Variants in HTT observed in about 807,000 individuals in gnomAD.
HTT encodes the protein huntington disease protein.
HTT carries 104 observed loss-of-function variants against 362.3 expected under a neutral mutation model. That is an observed-to-expected ratio of 0.29 (90% CI 0.24 to 0.34). The LOEUF is 0.34. HTT is among the 10% of genes least tolerant of loss of function. The probability of loss-of-function intolerance (pLI) is 1.00; values close to 1 mark genes in which losing one functional copy is unlikely to be tolerated. For synonymous variants in HTT, 1,577 were observed against 1,548.7 expected (o/e 1.02, Z -0.43); for missense variants, 3,301 against 3,928.6 (o/e 0.84, Z 4.27).
In HTT at chr4:3,235,665, T is replaced by A. The variant is rs754920090; in HGVS notation, c.8672T>A (p.Leu2891His). 1.2e-6 allele frequency: 2 copies of A among 1,613,618 alleles called. No homozygotes were observed. The highest frequency in any genetic ancestry group is 3.3e-5 in the Admixed American group (2 of 60,006). ...GAGCGCCTCCTGCTCTCTGAGCAGC[T>A]CTCCCGCCTGGATGCAGAATCGCTG... ...GLERLLLSEQ[L>H]SRLDAESLVK... is the part of the protein sequence containing the mutation. Residue 2891 changes from leucine to histidine, a missense_variant, in exon 63 of 67, where the codon CTC becomes CAC. Coordinates refer to ENST00000355072, the MANE Select transcript of HTT (RefSeq NM_001388492.1).
intron 23 of HTT, among the ~76,000 whole-genome samples, chr4:3,143,837 A>G (rs976681093): frequency 1.3e-5 from 2 of 152,094 alleles, no homozygotes; most frequent in East Asian, 3.9e-4. Flanking sequence ...TCCCAACCTC[A>G]GGTGATCCGC....
At chr4:3,236,858 G>A (rs1042347729) in intron 64 of HTT, among the ~76,000 whole-genome samples, 23 of 151,924 alleles carry the variant, frequency 1.5e-4, no homozygotes, top group African/African-American at 5.1e-4. Context: ...TCAAGGACAA[G>A]GGCCCCTGAT....
chr4:3,137,170 T>C (rs931339063), intron 21 of HTT, among the ~76,000 whole-genome samples: 3 of 152,014 alleles, frequency 2.0e-5, no homozygotes, highest in Non-Finnish European at 2.9e-5. Flanking sequence ...CCTCCCAAAG[T>C]GCTGGGATTA....
intron 8 of HTT, among the ~76,000 whole-genome samples, chr4:3,120,478 T>C (rs924400607): frequency 3.3e-5 from 5 of 152,222 alleles, no homozygotes; most frequent in Non-Finnish European, 2.9e-5. Context: ...ACCCCCAGGC[T>C]GCAGAGCGGT....
At chr4:3,144,363 G>T (rs775689608) in intron 23 of HTT, among the ~76,000 whole-genome samples, 2 of 152,230 alleles carry the variant, frequency 1.3e-5, no homozygotes, top group Non-Finnish European at 2.9e-5. Context: ...TGTTGCCCAG[G>T]CTAGAGCACA....
At chr4:3,151,953 G>A (rs765503052) in intron 26 of HTT, among the ~76,000 whole-genome samples, 3 of 151,784 alleles carry the variant, frequency 2.0e-5, no homozygotes, top group African/African-American at 7.3e-5. Context: ...TTTGAGATAG[G>A]GTGTCATTCT....
At chr4:3,127,700 A>G in intron 12 of HTT, 96 bp downstream of exon 12, 1 of 874,568 alleles carries the variant, frequency 1.1e-6, no homozygotes, top group Non-Finnish European at 1.8e-6. Context: ...ACAGGGGCTC[A>G]TGCCTGTAAT....
In HTT at chr4:3,241,020, C is replaced by T. The variant is rs1030248514; in HGVS notation, c.*961C>T. The T allele has an allele frequency of 6.6e-6, 1 of 152,390 alleles. No homozygotes were observed. Among genetic ancestry groups the T allele is most frequent in the Non-Finnish European group, 1.5e-5 (1 of 68,162 alleles). 9.4% of individuals were successfully genotyped at this position (152,390 alleles called of 1,614,324 possible). A position where few individuals can be genotyped will look rare whatever the true frequency, so the allele number is the denominator to read the frequency against. On this transcript the variant is annotated 3_prime_UTR_variant, in exon 67 of 67. Coordinates refer to ENST00000355072, the MANE Select transcript of HTT (RefSeq NM_001388492.1). ...CACTCAGCTGAGAAGGCCAGCCCTC[C>T]CTGGCTGTGAGCAGCCTCCACTGTG...
Position 3,084,913 on chromosome 4 carries a change from C to A in HTT, c.264-2026C>A, listed in dbSNP as rs190265604. Among the ~76,000 whole-genome samples the A allele has an allele frequency of 4.4e-3, 672 of 151,240 alleles. 1 individual carries two copies. Among genetic ancestry groups the A allele is most frequent in the African/African-American group, 0.016 (644 of 41,208 alleles). ...CCTGTAGTCCCAGCTACTTGGGAGG[C>A]TGAAGCAGGAGAATGGTGTGAACCC... On this transcript the variant is annotated intron_variant, in intron 1 of 66. Transcript: ENST00000355072.
At chr4:3,193,594 T>C (rs1000020655) in intron 40 of HTT, among the ~76,000 whole-genome samples, 4 of 152,202 alleles carry the variant, frequency 2.6e-5, no homozygotes, top group Admixed American at 6.5e-5. Context: ...CATCTCACAA[T>C]TGAGGCAAAA....
At position 3,209,964 on chromosome 4, in the gene HTT, G is replaced by A; in HGVS notation, c.6414+15G>A. The A allele has an allele frequency of 6.2e-7, 1 of 1,612,510 alleles. No individual in the cohort carries two copies. Among genetic ancestry groups the A allele is most frequent in the Non-Finnish European group, 8.5e-7 (1 of 1,179,056 alleles). On this transcript the variant is annotated intron_variant, in intron 47 of 66. Transcript: ENST00000355072. ...TGATGAACTCGGTACGGGGGGAGCA[G>A]TGGAGGCAAGGAATCCTCAGCTTTT... is the stretch of plus-strand genomic sequence containing the variant.
intron 6 of HTT, among the ~76,000 whole-genome samples, chr4:3,110,291 A>G (rs1272184903): frequency 6.6e-6 from 1 of 151,964 alleles, no homozygotes; most frequent in Non-Finnish European, 1.5e-5. Flanking sequence ...TTGTCTTCTC[A>G]CACCTTCCAA....
At chr4:3,213,889 G>T in intron 49 of HTT, 69 bp from the exon 50 acceptor site, 1 of 1,395,078 alleles carries the variant, frequency 7.2e-7, no homozygotes, top group East Asian at 2.6e-5. Context: ...TTCCACAACT[G>T]TGATTCACAC....
At chr4:3,201,823 G>GA (rs1184021024) in intron 41 of HTT, among the ~76,000 whole-genome samples, 12 of 152,244 alleles carry the variant, frequency 7.9e-5, no homozygotes, top group African/African-American at 2.4e-4. Context: ...CATGAGATGA[G>GA]AAAAATGAAT....
chr4:3,089,132 T>C (rs1713367305), intron 2 of HTT, among the ~76,000 whole-genome samples: 1 of 152,272 alleles, frequency 6.6e-6, no homozygotes. Context: ...TACACAGTTC[T>C]TGTGGGATCA....
chr4:3,126,152 C>T (rs2110182782), intron 11 of HTT, among the ~76,000 whole-genome samples: 1 of 152,226 alleles, frequency 6.6e-6, no homozygotes, highest in Middle Eastern at 3.4e-3. Context: ...TTCTGGGTTC[C>T]AGCGATTCTC....
At chr4:3,233,125 C>G (rs751269993) in intron 60 of HTT, 38 bp from the exon 61 acceptor site, 5 of 1,542,006 alleles carry the variant, frequency 3.2e-6, no homozygotes, top group Non-Finnish European at 4.4e-6. Context: ...GACGTGAGCT[C>G]TGGTGGCATG....
Position 3,242,294 on chromosome 4 carries a change from A to T in HTT, c.*2235A>T, listed in dbSNP as rs1414509740. 2 of 152,258 alleles carry T rather than the reference A, an allele frequency of 1.3e-5. No individual in the cohort carries two copies. The highest frequency in any genetic ancestry group is 3.8e-4 in the East Asian group (2 of 5,206). 9.4% of individuals were successfully genotyped at this position (152,258 alleles called of 1,614,324 possible). A position where few individuals can be genotyped will look rare whatever the true frequency, so the allele number is the denominator to read the frequency against. ...GGGGCTCAGAACACCCCGCTCTGGC[A>T]GTAGGTGTCCCCCACCCCCAAAGAC... On this transcript the variant is annotated 3_prime_UTR_variant, in exon 67 of 67. Coordinates refer to ENST00000355072, the MANE Select transcript of HTT (RefSeq NM_001388492.1).
At chr4:3,234,451 C>T (rs1370002119) in intron 61 of HTT, among the ~76,000 whole-genome samples, 2 of 152,264 alleles carry the variant, frequency 1.3e-5, no homozygotes, top group Non-Finnish European at 2.9e-5. Flanking sequence ...GCCTGCAAAT[C>T]AGGCACATAT....
Sources: gnomAD v4.1 joint callset for allele counts (sites outside exome capture counted in the v4.1 genomes callset) on GRCh38, gnomAD v4.1.1 for gene constraint, MANE v1.5 for transcripts, NCBI Gene and HGNC (gene_info 2026-07-23, HGNC 2026-07-21) for gene names.